ABL2: variants seen among roughly 807,000 people sequenced by gnomAD.
ABL2 encodes the protein tyrosine-protein kinase ABL2.
ABL2 carries 49 observed loss-of-function variants against 107.7 expected under a neutral mutation model. That is an observed-to-expected ratio of 0.45 (90% confidence interval 0.36 to 0.58). ABL2 has a LOEUF of 0.58. Among genes scored for constraint, ABL2 ranks in the 20% least tolerant of loss-of-function variants. The probability of loss-of-function intolerance (pLI) is 0.00; values close to 1 mark genes in which losing one functional copy is unlikely to be tolerated. For synonymous variants in ABL2, 549 were observed against 548.6 expected (o/e 1.00, Z -0.01); for missense variants, 1,245 against 1,457.0 (o/e 0.85, Z 2.37).
At chr1:179,166,288 C>T (rs532090069) in intron 1 of ABL2, among the ~76,000 whole-genome samples, 1 of 149,980 alleles carries the variant, frequency 6.7e-6, no homozygotes, top group Non-Finnish European at 1.5e-5. Context: ...GCAAAGGGAA[C>T]AATCAAGAGT....
chr1:179,105,676 C>T lies in ABL2; in HGVS notation c.*2042G>A. ...CCCAGCACCGCGTGTCTCCTCTAAT[C>T]CTCTTAACCTGGGCCTCCTTTGGAG... is the stretch of plus-strand genomic sequence containing the variant. On this transcript the variant is annotated 3_prime_UTR_variant, in exon 12 of 12. Transcript: ENST00000502732. The T allele has an allele frequency of 4.4e-6, 1 of 226,712 alleles. No homozygotes were observed. The highest frequency in any genetic ancestry group is 2.2e-5 in the African/African-American group (1 of 45,090). 14.0% of individuals were successfully genotyped at this position (226,712 alleles called of 1,614,324 possible).
chr1:179,158,521 A>AC lies in ABL2; in HGVS notation c.158-25148dup, dbSNP rs533434977. 2.2e-4 allele frequency among the ~76,000 whole-genome samples: 33 copies of AC among 152,168 alleles called. 1 individual carries two copies. In the East Asian group the frequency reaches 5.4e-3, roughly 25 times the overall value. ...CTATCACAACCAGAAAGTTTAAGGG[A>AC]CCCCCACAACCACCTGATTGTCTTT... On this transcript the variant is annotated intron_variant, in intron 1 of 11. Transcript: ENST00000502732.
chr1:179,114,376 G>A (rs906788176), intron 9 of ABL2, among the ~76,000 whole-genome samples: 41 of 75,972 alleles, frequency 5.4e-4, no homozygotes, highest in Admixed American at 3.8e-3. Context: ...TCACTGAGCC[G>A]AAATCACGTC....
chr1:179,183,356 A>G (rs1338646332), intron 1 of ABL2, among the ~76,000 whole-genome samples: 13 of 152,230 alleles, frequency 8.5e-5, no homozygotes, highest in Admixed American at 7.9e-4. Flanking sequence ...ACTTAAATTT[A>G]TAACAACAAC....
At chr1:179,112,821 C>G (rs552166750) in intron 9 of ABL2, among the ~76,000 whole-genome samples, 11 of 151,692 alleles carry the variant, frequency 7.3e-5, no homozygotes, top group Non-Finnish European at 1.6e-4. Context: ...GTGGCGCGAT[C>G]TCGGTTCACT....
In ABL2 at chr1:179,112,211, C is replaced by T. The variant is rs1473036374; in HGVS notation, c.1651+98G>A. 5 of 1,063,296 alleles carry T rather than the reference C, an allele frequency of 4.7e-6. No individual in the cohort carries two copies. In the African/African-American group the frequency reaches 7.9e-5, roughly 17 times the overall value. 65.9% of individuals were successfully genotyped at this position (1,063,296 alleles called of 1,614,324 possible). On this transcript the variant is annotated intron_variant, in intron 10 of 11. Transcript: ENST00000502732. ...AAAAGTTGAAACAGAGTCTCAAACT[C>T]CACAAAAGTTGATCATTTTTGAAAT...
chr1:179,119,307 T>G (rs1654953086), intron 6 of ABL2, among the ~76,000 whole-genome samples: 1 of 151,946 alleles, frequency 6.6e-6, no homozygotes, highest in South Asian at 2.1e-4. Flanking sequence ...TTTGGGAGGC[T>G]GAGGCAGGCA....
intron 9 of ABL2, among the ~76,000 whole-genome samples, chr1:179,113,847 T>C (rs983975202): frequency 6.6e-5 from 10 of 151,562 alleles, no homozygotes; most frequent in African/African-American, 2.4e-4. Flanking sequence ...GGCAGGAGAA[T>C]GGCATCAACC....
intron 1 of ABL2, among the ~76,000 whole-genome samples, chr1:179,179,465 T>C (rs1351641459): frequency 6.6e-6 from 1 of 152,180 alleles, no homozygotes; most frequent in Non-Finnish European, 1.5e-5. Flanking sequence ...AAAGGGTTTT[T>C]TTTTTGTAAT....
chr1:179,199,606 T>TCTCAAAC (rs1320798420), intron 1 of ABL2, among the ~76,000 whole-genome samples: 1 of 152,172 alleles, frequency 6.6e-6, no homozygotes, highest in African/African-American at 2.4e-5. Context: ...CTAATTTAAT[T>TCTCAAAC]CTCAAACCAC....
At chr1:179,187,769 T>C (rs1660757083) in intron 1 of ABL2, among the ~76,000 whole-genome samples, 1 of 152,224 alleles carries the variant, frequency 6.6e-6, no homozygotes, top group African/African-American at 2.4e-5. Context: ...TAAAGCTCAC[T>C]GTATCTAGTA....
chr1:179,192,131 G>A (rs1023201984), intron 1 of ABL2, among the ~76,000 whole-genome samples: 20 of 152,108 alleles, frequency 1.3e-4, no homozygotes, highest in African/African-American at 4.6e-4. Flanking sequence ...GTATATAGCA[G>A]GGACTCTATA....
At chr1:179,197,576 T>A (rs199907823) in intron 1 of ABL2, among the ~76,000 whole-genome samples, 7 of 140,214 alleles carry the variant, frequency 5.0e-5, no homozygotes, top group Admixed American at 7.2e-5. Context: ...AAAAAAAAAT[T>A]AAAAAAAAAA....
rs554914928 is a variant in ABL2, at chr1:179,099,633, C to T, written c.*8085G>A. The stretch of plus-strand genomic sequence containing the variant: ...TCCCCTTAGCAATGCACACAGTGCC[C>T]GATGCTCCAAACCTCACCCTCTGTG... On this transcript the variant is annotated 3_prime_UTR_variant, in exon 12 of 12. Coordinates refer to ENST00000502732, the MANE Select transcript of ABL2 (RefSeq NM_007314.4). The T allele has an allele frequency of 3.9e-5, 9 of 231,182 alleles. No homozygotes were observed. The highest frequency in any genetic ancestry group is 3.1e-4 in the East Asian group (5 of 16,344). 14.3% of individuals were successfully genotyped at this position (231,182 alleles called of 1,614,324 possible).
At chr1:179,118,010 G>A (rs72709459) in intron 7 of ABL2, among the ~76,000 whole-genome samples, 3,345 of 151,958 alleles carry the variant, frequency 0.022, 66 homozygotes, top group Middle Eastern at 0.054. Flanking sequence ...ACACTTAGCC[G>A]GGCATGGTGG....
intron 11 of ABL2, 97 bp from the exon 12 acceptor site, chr1:179,109,538 T>C: frequency 6.7e-7 from 1 of 1,502,102 alleles, no homozygotes; most frequent in Non-Finnish European, 8.8e-7. Flanking sequence ...TCAGCATTTA[T>C]CAAAGGTCAG....
At chr1:179,229,188 A>T in intron 1 of ABL2, 53 bp downstream of exon 1, 1 of 125,704 alleles carries the variant, frequency 8.0e-6, no homozygotes, top group South Asian at 7.8e-5. Flanking sequence ...CCCCGCCCCG[A>T]CCCCACCCCC....
intron 7 of ABL2, among the ~76,000 whole-genome samples, chr1:179,117,857 G>A (rs947497449): frequency 1.1e-4 from 16 of 150,734 alleles, no homozygotes; most frequent in Non-Finnish European, 1.2e-4. Context: ...GGTGGCTCAC[G>A]CCTGTAATCC....
At chr1:179,210,747 G>C (rs1037760370) in intron 1 of ABL2, among the ~76,000 whole-genome samples, 1 of 151,508 alleles carries the variant, frequency 6.6e-6, no homozygotes, top group African/African-American at 2.4e-5. Flanking sequence ...CCAGCTACTC[G>C]GGAGGCTGAG....
Sources: allele counts gnomAD v4.1 joint callset (sites outside exome capture counted in the v4.1 genomes callset), GRCh38; gene constraint gnomAD v4.1.1; transcripts MANE v1.5; gene names NCBI Gene and HGNC (gene_info 2026-07-23, HGNC 2026-07-21).